The following STXBP5L variants were observed in gnomAD, a reference collection of about 807,000 sequenced individuals.
STXBP5L encodes syntaxin-binding protein 5-like.
In STXBP5L, 65 loss-of-function variants were observed where a neutral mutation model predicts 144.5. The observed-to-expected ratio is 0.45, with a 90% CI of 0.37 to 0.55. STXBP5L has a LOEUF of 0.55. Among genes scored for constraint, STXBP5L ranks in the 20% least tolerant of loss-of-function variants. The pLI, the probability that STXBP5L is intolerant of heterozygous loss-of-function variation, is 0.00. For missense variants in STXBP5L, 1,298 were observed against 1,405.5 expected, an observed-to-expected ratio of 0.92 and a Z score of 1.22; for synonymous variants, 505 against 469.6, an observed-to-expected ratio of 1.08 and a Z score of -0.97.
intron 14 of STXBP5L, among the ~76,000 whole-genome samples, chr3:121,247,031 A>C (rs138066824): frequency 6.3e-4 from 96 of 152,308 alleles, no homozygotes; most frequent in African/African-American, 2.2e-3. Flanking sequence ...AATTTACTAA[A>C]AATTATCAAA....
chr3:121,140,290 T>A (rs1341044439), intron 7 of STXBP5L, among the ~76,000 whole-genome samples: 1 of 152,018 alleles, frequency 6.6e-6, no homozygotes, highest in Non-Finnish European at 1.5e-5. Context: ...GGAGAGAAGG[T>A]AATGTAAATT....
intron 9 of STXBP5L, among the ~76,000 whole-genome samples, chr3:121,197,518 G>T (rs2047968010): frequency 6.6e-6 from 1 of 151,714 alleles, no homozygotes; most frequent in African/African-American, 2.4e-5. Flanking sequence ...TTAAGTTCTG[G>T]GATACATAGG....
chr3:121,286,816 G>A (rs763579958), intron 19 of STXBP5L, among the ~76,000 whole-genome samples: 2 of 106,722 alleles, frequency 1.9e-5, no homozygotes, highest in African/African-American at 7.5e-5. Flanking sequence ...TTTAAGACAC[G>A]GGGTATCAAA....
intron 19 of STXBP5L, among the ~76,000 whole-genome samples, chr3:121,312,807 CAGA>C (rs985069290): frequency 5.9e-4 from 90 of 152,226 alleles, no homozygotes; most frequent in African/African-American, 2.0e-3. Context: ...GATCCCAAGG[CAGA>C]AGAATTTTTC....
At chr3:120,930,073 A>AT (rs951948543) in intron 2 of STXBP5L, among the ~76,000 whole-genome samples, 3 of 147,240 alleles carry the variant, frequency 2.0e-5, no homozygotes, top group Admixed American at 1.3e-4. Flanking sequence ...CATAATTCAT[A>AT]TTTTTTTCTA....
chr3:121,303,867 G>A (rs185382072), intron 19 of STXBP5L, among the ~76,000 whole-genome samples: 41 of 152,126 alleles, frequency 2.7e-4, no homozygotes, highest in Non-Finnish European at 5.9e-4. Flanking sequence ...ATCACACCCC[G>A]GGGCCTGTTG....
intron 9 of STXBP5L, among the ~76,000 whole-genome samples, chr3:121,200,117 C>CT (rs568652391): frequency 9.1e-4 from 139 of 152,076 alleles, no homozygotes; most frequent in African/African-American, 3.1e-3. Flanking sequence ...CGTTCTTGGA[C>CT]TTTTTTGGTT....
chr3:121,061,707 C>A (rs1292668231), intron 5 of STXBP5L, among the ~76,000 whole-genome samples: 1 of 152,262 alleles, frequency 6.6e-6, no homozygotes, highest in Admixed American at 6.5e-5. Flanking sequence ...GCATTGATCC[C>A]TTTACTATTA....
At chr3:121,024,495 C>T (rs563450887) in intron 3 of STXBP5L, among the ~76,000 whole-genome samples, 2 of 152,108 alleles carry the variant, frequency 1.3e-5, no homozygotes, top group Non-Finnish European at 2.9e-5. Context: ...AGTGTTCTGT[C>T]AGCTCTCGGA....
intron 3 of STXBP5L, among the ~76,000 whole-genome samples, chr3:120,966,157 T>A (rs1189431425): frequency 2.0e-5 from 3 of 152,174 alleles, no homozygotes; most frequent in Non-Finnish European, 4.4e-5. Flanking sequence ...CTATACACTG[T>A]TTATTCTAGT....
At chr3:121,106,471 A>C (rs1240573304) in intron 5 of STXBP5L, among the ~76,000 whole-genome samples, 1 of 152,068 alleles carries the variant, frequency 6.6e-6, no homozygotes, top group Non-Finnish European at 1.5e-5. Flanking sequence ...TTCAGCTCCT[A>C]CTTAATAAGT....
chr3:121,146,492 G>C (rs182369160), intron 7 of STXBP5L, among the ~76,000 whole-genome samples: 8 of 151,992 alleles, frequency 5.3e-5, no homozygotes, highest in Admixed American at 3.3e-4. Flanking sequence ...AGGTAGCTTT[G>C]TTCTAAAATA....
chr3:121,176,840 T>C (rs76125721), intron 9 of STXBP5L, among the ~76,000 whole-genome samples: 1,828 of 151,738 alleles, frequency 0.012, 18 homozygotes, highest in South Asian at 0.026. Context: ...GTAATAAATA[T>C]AGAAGATCAG....
chr3:120,964,252 G>T (rs1045614438), intron 3 of STXBP5L, among the ~76,000 whole-genome samples: 5 of 152,074 alleles, frequency 3.3e-5, no homozygotes, highest in Non-Finnish European at 7.4e-5. Context: ...GTTTTGAAGG[G>T]TTTTTTGTGT....
chr3:121,087,644 A>G (rs1159654058), intron 5 of STXBP5L, among the ~76,000 whole-genome samples: 1 of 152,006 alleles, frequency 6.6e-6, no homozygotes, highest in Non-Finnish European at 1.5e-5. Flanking sequence ...TATATATTTT[A>G]ATTAATGTTT....
At chr3:120,946,466 T>G (rs921851527) in intron 2 of STXBP5L, among the ~76,000 whole-genome samples, 2 of 151,752 alleles carry the variant, frequency 1.3e-5, no homozygotes, top group African/African-American at 2.4e-5. Context: ...TTCTTCTGTT[T>G]TCCTTTGTTC....
At chr3:121,164,261 T>C (rs1300284981) in intron 9 of STXBP5L, among the ~76,000 whole-genome samples, 3 of 152,164 alleles carry the variant, frequency 2.0e-5, no homozygotes, top group African/African-American at 7.2e-5. Flanking sequence ...TCAACATCAT[T>C]TATCATCAAG....
chr3:121,216,066 C>G (rs1023794840), intron 10 of STXBP5L, among the ~76,000 whole-genome samples: 1 of 152,162 alleles, frequency 6.6e-6, no homozygotes, highest in Admixed American at 6.6e-5. Flanking sequence ...CTTCTCTAAA[C>G]TGGTTATTCT....
At position 121,303,361 on chromosome 3, in the gene STXBP5L, T is replaced by G. The variant is rs530885145; in HGVS notation, c.2111-15114T>G. Among the ~76,000 whole-genome samples, 9 of 152,004 alleles carry G rather than the reference T, an allele frequency of 5.9e-5. No individual in the cohort carries two copies. In the East Asian group the frequency reaches 1.7e-3, roughly 29 times the overall value. ...TCACACCAGTTAGAATGGCAATCAT[T>G]AAAAAGTCAGGAAACAACAGGTGCT... On this transcript the variant is annotated intron_variant, in intron 19 of 26. Coordinates refer to ENST00000471454, the MANE Select transcript of STXBP5L (RefSeq NM_001308330.2).
Sources: gnomAD v4.1 joint callset for allele counts (sites outside exome capture counted in the v4.1 genomes callset) on GRCh38, gnomAD v4.1.1 for gene constraint, MANE v1.5 for transcripts, NCBI Gene and HGNC (gene_info 2026-07-23, HGNC 2026-07-21) for gene names.